PTPRK: variants seen among roughly 807,000 people sequenced by gnomAD.
The protein encoded by PTPRK is receptor-type tyrosine-protein phosphatase kappa.
PTPRK carries 75 observed loss-of-function variants against 178.0 expected under a neutral mutation model. That is an observed-to-expected ratio of 0.42 (90% CI 0.35 to 0.51). The LOEUF (loss-of-function observed/expected upper bound fraction) is 0.51, where lower values mean the gene tolerates loss of function less well. Among genes scored for constraint, PTPRK ranks in the 20% least tolerant of loss-of-function variants. The probability of loss-of-function intolerance (pLI) is 0.02; values close to 1 mark genes in which losing one functional copy is unlikely to be tolerated. For synonymous variants in PTPRK, 637 were observed against 620.6 expected, an observed-to-expected ratio of 1.03 and a Z score of -0.39; for missense variants, 1,441 against 1,797.8, an observed-to-expected ratio of 0.80 and a Z score of 3.59.
intron 13 of PTPRK, among the ~76,000 whole-genome samples, chr6:128,054,838 CTAGGG>C (rs1043239511): frequency 3.9e-5 from 6 of 152,168 alleles, no homozygotes; most frequent in African/African-American, 1.4e-4. Flanking sequence ...GAACCACGGA[CTAGGG>C]GTCAGGAGGA....
intron 1 of PTPRK, among the ~76,000 whole-genome samples, chr6:128,494,900 C>T (rs911973460): frequency 5.3e-5 from 8 of 152,108 alleles, no homozygotes; most frequent in Admixed American, 2.6e-4. Context: ...ATTTTTCTGA[C>T]ATTAGTAAGC....
intron 13 of PTPRK, among the ~76,000 whole-genome samples, chr6:128,048,075 C>T (rs147336379): frequency 9.9e-5 from 15 of 152,248 alleles, no homozygotes; most frequent in African/African-American, 2.9e-4. Flanking sequence ...TGAAGTCCTA[C>T]GTTCTAAGAA....
chr6:128,090,552 T>G (rs898929541), intron 7 of PTPRK, among the ~76,000 whole-genome samples: 1 of 152,084 alleles, frequency 6.6e-6, no homozygotes, highest in Admixed American at 6.5e-5. Flanking sequence ...CAAGAACATA[T>G]GTAGATATTC....
intron 27 of PTPRK, among the ~76,000 whole-genome samples, chr6:127,976,216 A>G (rs181336264): frequency 1.3e-5 from 2 of 152,304 alleles, no homozygotes; most frequent in African/African-American, 4.8e-5. Flanking sequence ...GAACCCTTCT[A>G]TAATGGTTGA....
At chr6:128,334,981 G>A (rs1198794386) in intron 2 of PTPRK, among the ~76,000 whole-genome samples, 4 of 152,184 alleles carry the variant, frequency 2.6e-5, no homozygotes, top group Middle Eastern at 6.8e-3. Context: ...CCAGCTACTC[G>A]GGAGGCTGAG....
chr6:128,406,188 G>A (rs1444000134), intron 1 of PTPRK, among the ~76,000 whole-genome samples: 1 of 151,924 alleles, frequency 6.6e-6, no homozygotes, highest in African/African-American at 2.4e-5. Flanking sequence ...GGGAGGTCAA[G>A]GCTGCAGTAA....
chr6:128,287,928 G>T (rs1302352820), intron 3 of PTPRK, among the ~76,000 whole-genome samples: 1 of 151,736 alleles, frequency 6.6e-6, no homozygotes, highest in Non-Finnish European at 1.5e-5. Context: ...TTATCCTGTG[G>T]CTACTGTCCA....
intron 7 of PTPRK, among the ~76,000 whole-genome samples, chr6:128,151,558 T>A: frequency 6.6e-6 from 1 of 151,786 alleles, no homozygotes; most frequent in African/African-American, 2.4e-5. Context: ...AGATAGTTAT[T>A]TAAAAAAAAA....
chr6:128,085,263 T>C (rs919962374), intron 8 of PTPRK: 3 of 152,272 alleles, frequency 2.0e-5, no homozygotes, highest in Non-Finnish European at 4.4e-5. Flanking sequence ...TGCTCCACAG[T>C]ACCAGCAAGG....
At chr6:128,093,739 C>G (rs1306852260) in intron 7 of PTPRK, among the ~76,000 whole-genome samples, 3 of 151,182 alleles carry the variant, frequency 2.0e-5, no homozygotes, top group Non-Finnish European at 2.9e-5. Flanking sequence ...TCAAGTCATC[C>G]ATCTATAATG....
intron 22 of PTPRK, among the ~76,000 whole-genome samples, chr6:127,984,532 T>C (rs1775728277): frequency 6.6e-6 from 1 of 152,152 alleles, no homozygotes; most frequent in Admixed American, 6.5e-5. Flanking sequence ...CAAGAGAGTA[T>C]CTGAGAATCT....
intron 6 of PTPRK, among the ~76,000 whole-genome samples, chr6:128,186,268 A>C (rs1802753439): frequency 2.0e-5 from 3 of 152,116 alleles, no homozygotes; most frequent in Admixed American, 6.6e-5. Flanking sequence ...ATGTAATATC[A>C]ATATTTTTTG....
intron 5 of PTPRK, among the ~76,000 whole-genome samples, chr6:128,237,476 A>G (rs943894691): frequency 1.3e-5 from 2 of 152,212 alleles, no homozygotes; most frequent in East Asian, 3.8e-4. Context: ...ACGAATTACA[A>G]GACTTTTTCA....
intron 2 of PTPRK, among the ~76,000 whole-genome samples, chr6:128,322,733 G>A (rs184452564): frequency 1.8e-3 from 270 of 150,042 alleles, no homozygotes; most frequent in Non-Finnish European, 2.8e-3. Context: ...TTACACAAAG[G>A]GTACACCTTT....
chr6:128,017,262 T>C (rs1006578217), intron 13 of PTPRK, among the ~76,000 whole-genome samples: 6 of 152,080 alleles, frequency 3.9e-5, no homozygotes, highest in Non-Finnish European at 8.8e-5. Context: ...TTAATCTTTA[T>C]GATTTGCACT....
rs141198714 is a variant in PTPRK at position 128,046,322 on chromosome 6, G to C, written c.2194+18436C>G. Among the ~76,000 whole-genome samples the C allele has an allele frequency of 2.8e-3, 421 of 152,260 alleles. 3 individuals carry two copies. In the South Asian group the frequency reaches 0.031, roughly 11 times the overall value. On this transcript the variant is annotated intron_variant, in intron 13 of 29. Transcript: ENST00000368226. ...AAGAATGATACACACTTGCTCCCTT[G>C]CAGGAGAAAAGAGTGTGATTATCAG...
intron 1 of PTPRK, among the ~76,000 whole-genome samples, chr6:128,506,762 T>C (rs1281198504): frequency 2.6e-5 from 4 of 152,068 alleles, no homozygotes; most frequent in Non-Finnish European, 5.9e-5. Context: ...GATTATATTC[T>C]ATAAAGTGAT....
At chr6:128,502,831 T>C (rs992868766) in intron 1 of PTPRK, among the ~76,000 whole-genome samples, 1 of 152,204 alleles carries the variant, frequency 6.6e-6, no homozygotes, top group Non-Finnish European at 1.5e-5. Context: ...AAGGGTGTGT[T>C]ACTATGCATC....
At chr6:128,053,052 T>G (rs981675845) in intron 13 of PTPRK, among the ~76,000 whole-genome samples, 3 of 151,976 alleles carry the variant, frequency 2.0e-5, no homozygotes, top group Non-Finnish European at 4.4e-5. Flanking sequence ...GTACTTTTAT[T>G]GGATAATGGT....
Sources: allele counts gnomAD v4.1 joint callset (sites outside exome capture counted in the v4.1 genomes callset), GRCh38; gene constraint gnomAD v4.1.1; transcripts MANE v1.5; gene names NCBI Gene and HGNC (gene_info 2026-07-23, HGNC 2026-07-21).